Variants in CTNNA2 observed in about 807,000 individuals in gnomAD.
CTNNA2 encodes catenin alpha-2.
In CTNNA2, 42 loss-of-function variants were observed where a neutral mutation model predicts 101.0. The ratio of observed to expected loss-of-function variants is 0.42; its 90% CI spans 0.32 to 0.54. The LOEUF is 0.54. Among genes scored for constraint, CTNNA2 ranks in the 20% least tolerant of loss-of-function variants. The pLI is 0.14. For synonymous variants in CTNNA2, 450 were observed against 456.4 expected (o/e 0.99, Z 0.18); for missense variants, 871 against 1,223.1 (o/e 0.71, Z 4.29).
At chr2:79,881,181 G>A (rs1683397101) in intron 6 of CTNNA2, among the ~76,000 whole-genome samples, 1 of 152,306 alleles carries the variant, frequency 6.6e-6, no homozygotes, top group Admixed American at 6.5e-5. Context: ...CTGAGAGACT[G>A]TTATGGTTTC....
intron 11 of CTNNA2, among the ~76,000 whole-genome samples, chr2:80,553,062 C>CA (rs34648725): frequency 0.49 from 60,593 of 123,242 alleles, 13,266 homozygotes; most frequent in South Asian, 0.6. Context: ...ACTAAAAAGA[C>CA]AAAAAAAAAA....
chr2:80,087,226 T>C (rs1481392840), intron 7 of CTNNA2, among the ~76,000 whole-genome samples: 1 of 152,042 alleles, frequency 6.6e-6, no homozygotes, highest in East Asian at 1.9e-4. Context: ...GTTGTGTCAC[T>C]TTCTATGTAT....
rs117093465 is a variant in CTNNA2 at position 79,912,460 on chromosome 2, G to C, written c.1056+2663G>C. 6.6e-5 allele frequency among the ~76,000 whole-genome samples: 10 copies of C among 152,298 alleles called. No individual in the cohort carries two copies. In the East Asian group the frequency reaches 1.9e-3, roughly 29 times the overall value. ...CAAATGTGTATTCTACTTAATGAAC[G>C]TGGGTGTGCAACTTGAAGATGTCAA... On this transcript the variant is annotated intron_variant, in intron 7 of 18. Transcript: ENST00000402739.
intron 9 of CTNNA2, among the ~76,000 whole-genome samples, chr2:80,510,171 A>G (rs1688599326): frequency 6.6e-6 from 1 of 152,168 alleles, no homozygotes; most frequent in Admixed American, 6.5e-5. Flanking sequence ...GTTCCTTGGT[A>G]TACTTAAACT....
At chr2:80,055,733 C>T (rs565634059) in intron 7 of CTNNA2, among the ~76,000 whole-genome samples, 21 of 152,128 alleles carry the variant, frequency 1.4e-4, no homozygotes, top group Non-Finnish European at 2.8e-4. Context: ...GTCCTCTGCT[C>T]TCACCTGCAT....
intron 2 of CTNNA2, among the ~76,000 whole-genome samples, chr2:79,653,701 C>A (rs544602676): frequency 6.6e-6 from 1 of 152,306 alleles, no homozygotes; most frequent in African/African-American, 2.4e-5. Context: ...TCCCAATCAT[C>A]AAGTCCTGGT....
intron 7 of CTNNA2, among the ~76,000 whole-genome samples, chr2:80,178,825 T>C (rs185042568): frequency 1.3e-5 from 2 of 152,330 alleles, no homozygotes; most frequent in African/African-American, 4.8e-5. Flanking sequence ...AACACTGTAC[T>C]CCTAGAAATT....
At chr2:79,821,730 T>A (rs1333975838) in intron 3 of CTNNA2, among the ~76,000 whole-genome samples, 2 of 152,172 alleles carry the variant, frequency 1.3e-5, no homozygotes, top group African/African-American at 4.8e-5. Context: ...ATAACAGATA[T>A]GATTGGCAGG....
At chr2:79,199,719 T>G (rs1674007771) in intron 2 of CTNNA2, among the ~76,000 whole-genome samples, 1 of 152,138 alleles carries the variant, frequency 6.6e-6, no homozygotes, top group African/African-American at 2.4e-5. Context: ...GGAGTCTGGG[T>G]AGTCCAAGAA....
rs1421622287 is a variant in CTNNA2 at position 80,494,756 on chromosome 2, T to C, written c.1291-50226T>C. Among the ~76,000 whole-genome samples, 3 of 134,054 alleles carry C rather than the reference T, an allele frequency of 2.2e-5. No individual in the cohort carries two copies. The South Asian group carries it at 6.5e-4, about 29-fold the overall frequency. The allele number at this position is 134,054 out of a possible 152,430, so 87.9% of individuals were successfully genotyped here. On this transcript the variant is annotated intron_variant, in intron 9 of 18. Transcript: ENST00000402739. ...AAGATAATTTCTAATAAAAGGCAAA[T>C]TTATGACTCATAGAATAAAAGTAAG...
intron 2 of CTNNA2, among the ~76,000 whole-genome samples, chr2:79,731,252 A>G (rs1687176094): frequency 6.6e-6 from 1 of 152,052 alleles, no homozygotes; most frequent in Non-Finnish European, 1.5e-5. Context: ...AAAGTACTTG[A>G]ATCTCCTGTG....
chr2:80,092,795 A>T (rs964629084), intron 7 of CTNNA2, among the ~76,000 whole-genome samples: 2 of 152,098 alleles, frequency 1.3e-5, no homozygotes, highest in Non-Finnish European at 2.9e-5. Context: ...GACAGCTTCT[A>T]TTCCATCCAG....
chr2:80,603,848 A>G, intron 15 of CTNNA2: 2 of 503,042 alleles, frequency 4.0e-6, no homozygotes, highest in South Asian at 5.6e-5. Flanking sequence ...ATAGAACTTA[A>G]TGTAAAAGAT....
chr2:79,402,572 T>C (rs1678301491), intron 4 of CTNNA2, among the ~76,000 whole-genome samples: 1 of 151,768 alleles, frequency 6.6e-6, no homozygotes, highest in East Asian at 1.9e-4. Flanking sequence ...GTAAAAGTTA[T>C]ATAAATATGG....
intron 4 of CTNNA2, among the ~76,000 whole-genome samples, chr2:79,393,405 G>A (rs1026517016): frequency 1.1e-4 from 17 of 152,166 alleles, no homozygotes; most frequent in Admixed American, 2.0e-4. Flanking sequence ...AGTATGATTC[G>A]AACACAGCCT....
chr2:80,285,447 C>G (rs1470039005), intron 7 of CTNNA2, among the ~76,000 whole-genome samples: 1 of 152,168 alleles, frequency 6.6e-6, no homozygotes, highest in East Asian at 1.9e-4. Context: ...TGACAGTCAA[C>G]TAACACTTTA....
intron 1 of CTNNA2, among the ~76,000 whole-genome samples, chr2:79,545,789 CATAAT>C (rs1490036883): frequency 1.3e-5 from 2 of 152,150 alleles, no homozygotes; most frequent in African/African-American, 4.8e-5. Flanking sequence ...TTTTTATGCT[CATAAT>C]ATAAGTACTC....
At chr2:79,708,005 A>G (rs778732827) in intron 2 of CTNNA2, among the ~76,000 whole-genome samples, 2 of 152,230 alleles carry the variant, frequency 1.3e-5, no homozygotes, top group Admixed American at 6.5e-5. Context: ...CTGTGTGCCA[A>G]GTCATTAACC....
At chr2:79,309,198 T>C (rs1197346266) in intron 2 of CTNNA2, among the ~76,000 whole-genome samples, 1 of 152,152 alleles carries the variant, frequency 6.6e-6, no homozygotes, top group African/African-American at 2.4e-5. Context: ...GAATCTTTGC[T>C]TTTTTATGTG....
Sources: allele counts gnomAD v4.1 joint callset (sites outside exome capture counted in the v4.1 genomes callset), GRCh38; gene constraint gnomAD v4.1.1; transcripts MANE v1.5; gene names NCBI Gene and HGNC (gene_info 2026-07-23, HGNC 2026-07-21).